The following ABCG5 variants were observed in gnomAD, a reference collection of about 807,000 sequenced individuals.
ABCG5 encodes the protein ATP binding cassette subfamily G member 5.
In ABCG5, 64 loss-of-function variants were observed where a neutral mutation model predicts 64.5. The ratio of observed to expected loss-of-function variants is 0.99; its 90% CI spans 0.81 to 1.22. The LOEUF is 1.22. ABCG5 is among the 50% of genes most tolerant of loss of function. The probability of loss-of-function intolerance (pLI) is 0.00; values close to 1 mark genes in which losing one functional copy is unlikely to be tolerated. For synonymous variants in ABCG5, 385 were observed against 326.3 expected, an observed-to-expected ratio of 1.18 and a Z score of -1.94; for missense variants, 908 against 829.5, an observed-to-expected ratio of 1.09 and a Z score of -1.16.
intron 9 of ABCG5, among the ~76,000 whole-genome samples, chr2:43,823,448 T>C (rs545760674): frequency 1.3e-5 from 2 of 152,260 alleles, no homozygotes; most frequent in South Asian, 4.1e-4. Context: ...CTTTGGGGAA[T>C]CCCTCTAACA....
At chr2:43,830,610 A>G (rs531835896) in intron 4 of ABCG5, among the ~76,000 whole-genome samples, 13 of 152,332 alleles carry the variant, frequency 8.5e-5, no homozygotes, top group Admixed American at 3.3e-4. Flanking sequence ...TGAATTACTT[A>G]TCAGGATTTT....
chr2:43,813,210 G>A lies in ABCG5; in HGVS notation c.1862C>T (p.Thr621Ile). ...TGAATACAAAATCAGAAAGTTCATT[G>A]TGAATCTAGATGTTGCACCTGGGCA... ...KTCPGATSRFTMNFLILYSFI... is the reference protein window; with the variant it reads ...KTCPGATSRFIMNFLILYSFI... The change falls in exon 13 of 13, where the codon ACA becomes ATA. Residue 621 changes from threonine (T) to isoleucine (I), a missense_variant. Thr to Ile is a moderately conservative substitution (Grantham distance 89, BLOSUM62 -1). Transcript: ENST00000405322. 6.2e-7 allele frequency: 1 copy of A among 1,609,530 alleles called. No individual in the cohort carries two copies. The highest frequency in any genetic ancestry group is 8.5e-7 in the Non-Finnish European group (1 of 1,175,974).
At chr2:43,830,940 C>A (rs2104859726) in intron 4 of ABCG5, among the ~76,000 whole-genome samples, 1 of 152,312 alleles carries the variant, frequency 6.6e-6, no homozygotes, top group African/African-American at 2.4e-5. Context: ...ATTCAAGATG[C>A]CTCCAAGCAA....
chr2:43,833,612 C>T (rs1015326734), intron 2 of ABCG5, among the ~76,000 whole-genome samples: 3 of 151,930 alleles, frequency 2.0e-5, no homozygotes, highest in African/African-American at 7.3e-5. Context: ...TCACAATCTC[C>T]TGACCTCGTG....
chr2:43,820,845 G>A (rs185782685), intron 10 of ABCG5, among the ~76,000 whole-genome samples: 120 of 152,184 alleles, frequency 7.9e-4, no homozygotes, highest in Non-Finnish European at 1.3e-3. Flanking sequence ...GTAGAGATGG[G>A]GTTTTGCCAT....
At chr2:43,819,891 AT>A (rs1334934727) in intron 11 of ABCG5, 23 bp downstream of exon 11, 2 of 1,613,208 alleles carry the variant, frequency 1.2e-6, no homozygotes, top group Non-Finnish European at 1.7e-6. Context: ...CCCAATCTAA[AT>A]TTTTTGAATT....
chr2:43,820,425 C>G (rs909352114), intron 10 of ABCG5, among the ~76,000 whole-genome samples: 1 of 152,162 alleles, frequency 6.6e-6, no homozygotes, highest in Non-Finnish European at 1.5e-5. Flanking sequence ...CTACAGGCAT[C>G]TTCATAAATA....
chr2:43,832,488 C>T, intron 2 of ABCG5: 1 of 274,472 alleles, frequency 3.6e-6, no homozygotes, highest in East Asian at 9.0e-5. Flanking sequence ...TTTTTGTGCC[C>T]CCCTGGGGTG....
intron 4 of ABCG5, among the ~76,000 whole-genome samples, chr2:43,829,655 C>T (rs1296550343): frequency 6.6e-6 from 1 of 152,164 alleles, no homozygotes; most frequent in African/African-American, 2.4e-5. Flanking sequence ...GTACTGATTA[C>T]CTCTAACTGC....
chr2:43,827,760 C>G (rs975406947), intron 5 of ABCG5, among the ~76,000 whole-genome samples: 3 of 152,222 alleles, frequency 2.0e-5, no homozygotes, highest in Non-Finnish European at 4.4e-5. Context: ...CAATGCAACG[C>G]TTCCGGGTCC....
intron 4 of ABCG5, chr2:43,828,468 TC>T: frequency 4.9e-6 from 1 of 203,800 alleles, no homozygotes; most frequent in South Asian, 3.9e-5. Flanking sequence ...AGACCCTGTC[TC>T]TACAAAAAAA....
In ABCG5 at chr2:43,813,319, A is replaced by G. The variant is rs758463400; in HGVS notation, c.1763-10T>C. On this transcript the variant is annotated splice_polypyrimidine_tract_variant and intron_variant, in intron 12 of 12. Coordinates refer to ENST00000405322, the MANE Select transcript of ABCG5 (RefSeq NM_022436.3). The stretch of plus-strand genomic sequence containing the variant: ...GAAACATTTGAGCTGCCTGTCAAGG[A>G]AAAGATTGACAGTGTCAGGTGTGGT... The G allele has an allele frequency of 2.0e-5, 32 of 1,589,228 alleles. No homozygotes were observed. Among genetic ancestry groups the G allele is most frequent in the Non-Finnish European group, 2.5e-5 (29 of 1,158,274 alleles).
At position 43,826,457 on chromosome 2, in the gene ABCG5, G is replaced by A; in HGVS notation, c.699C>T (p.Val233=). 1 of 1,614,158 alleles carries A rather than the reference G, an allele frequency of 6.2e-7. No individual in the cohort carries two copies. The change falls in exon 6 of 13, where the codon GTC becomes GTT. Residue 233 remains valine (V), a synonymous_variant. Transcript: ENST00000405322. ...TCCTGCGAGCCAGTTCCACCAGGAG[G>A]ACGACAATCTGATTAGCAGTCATGC... ...LDCMTANQIV[V]LLVELARRNR...
downstream of ABCG5, among the ~76,000 whole-genome samples, chr2:43,807,770 AAAAG>A (rs1415001589): frequency 2.0e-5 from 3 of 151,282 alleles, no homozygotes; most frequent in African/African-American, 7.3e-5. Context: ...AAAAAAAAAA[AAAAG>A]GTTACAGTTA....
At chr2:43,829,964 A>G (rs964164742) in intron 4 of ABCG5, among the ~76,000 whole-genome samples, 19 of 152,332 alleles carry the variant, frequency 1.2e-4, no homozygotes, top group African/African-American at 4.1e-4. Flanking sequence ...CTAGATATAG[A>G]TATATTCTGG....
Position 43,824,083 on chromosome 2 carries a change from G to A in ABCG5, c.1154C>T (p.Ala385Val). 2 of 1,614,192 alleles carry A rather than the reference G, an allele frequency of 1.2e-6. No individual in the cohort carries two copies. Among genetic ancestry groups the A allele is most frequent in the Non-Finnish European group, 1.7e-6 (2 of 1,180,036 alleles). Residue 385 changes from alanine to valine, a missense_variant, in exon 9 of 13, where the codon GCA becomes GTA. Ala to Val is a moderately conservative substitution (Grantham distance 64). Coordinates refer to ENST00000405322, the MANE Select transcript of ABCG5 (RefSeq NM_022436.3). ...ATTCTGAAGGAGACGCGTAATCACT[G>A]CCAGCTTATTTCTCACCAAGTTTCT... ...VTRNLVRNKL[A>V]VITRLLQNLI...
intron 4 of ABCG5, among the ~76,000 whole-genome samples, chr2:43,831,546 C>T (rs1028104415): frequency 2.0e-5 from 3 of 152,130 alleles, no homozygotes; most frequent in Non-Finnish European, 4.4e-5. Flanking sequence ...GTGTATTTTG[C>T]GCTCAGAGCA....
At chr2:43,810,083 AAG>A, downstream of ABCG5, 1 of 592,156 alleles carries the variant, frequency 1.7e-6, no homozygotes, top group Non-Finnish European at 2.2e-6. Context: ...ATATAAAAGT[AAG>A]AGTATTTGGT....
intron 5 of ABCG5, among the ~76,000 whole-genome samples, chr2:43,827,516 C>A (rs1434839269): frequency 6.6e-6 from 1 of 152,106 alleles, no homozygotes; most frequent in Non-Finnish European, 1.5e-5. Context: ...AATGACCAAA[C>A]CTGGCAGAGG....
Sources: gnomAD v4.1 joint callset for allele counts (sites outside exome capture counted in the v4.1 genomes callset) on GRCh38, gnomAD v4.1.1 for gene constraint, MANE v1.5 for transcripts, NCBI Gene and HGNC (gene_info 2026-07-23, HGNC 2026-07-21) for gene names.